MAML3: variants seen among roughly 807,000 people sequenced by gnomAD.
MAML3 encodes the protein mastermind-like protein 3.
A neutral mutation model predicts 101.9 loss-of-function variants in MAML3; 27 were observed. The ratio of observed to expected loss-of-function variants is 0.27; its 90% CI spans 0.20 to 0.37. MAML3 has a LOEUF of 0.37. Among genes scored for constraint, MAML3 ranks in the 10% least tolerant of loss-of-function variants. The pLI, the probability that MAML3 is intolerant of heterozygous loss-of-function variation, is 1.00. For missense variants in MAML3, 1,316 were observed against 1,444.9 expected, an observed-to-expected ratio of 0.91 and a Z score of 1.45; for synonymous variants, 501 against 555.9, an observed-to-expected ratio of 0.90 and a Z score of 1.39.
At chr4:139,848,436 G>C (rs1042239032) in intron 2 of MAML3, among the ~76,000 whole-genome samples, 1 of 152,200 alleles carries the variant, frequency 6.6e-6, no homozygotes, top group African/African-American at 2.4e-5. Flanking sequence ...ATGTTGAAAT[G>C]AGCAGAGTCC....
chr4:139,805,472 A>G (rs1364810017), intron 2 of MAML3, among the ~76,000 whole-genome samples: 1 of 152,200 alleles, frequency 6.6e-6, no homozygotes, highest in Non-Finnish European at 1.5e-5. Context: ...CCCTCTTTTT[A>G]AAAATGCCAC....
In MAML3 at chr4:140,134,389, C is replaced by T. The variant is rs73857943; in HGVS notation, c.468+18471G>A. 1,064 of 456,686 alleles carry T rather than the reference C, an allele frequency of 2.3e-3. 8 individuals are homozygous for T. The highest frequency in any genetic ancestry group is 0.015 in the African/African-American group (763 of 50,190). The allele number at this position is 456,686 out of a possible 1,614,324, so 28.3% of individuals were successfully genotyped here. ...TCATTTCTCCAGATGCTCTGAATCACCTCCAGGGCACAGGCATAGATGTTC... is the reference window on the plus strand; with the variant it reads ...TCATTTCTCCAGATGCTCTGAATCATCTCCAGGGCACAGGCATAGATGTTC... On this transcript the variant is annotated intron_variant, in intron 1 of 4. Transcript: ENST00000509479.
At position 139,890,272 on chromosome 4, in the gene MAML3, G is replaced by A. The variant is rs1297108897; in HGVS notation, c.1164C>T (p.Val388=). 1.9e-6 allele frequency: 3 copies of A among 1,613,954 alleles called. No homozygotes were observed. The highest frequency in any genetic ancestry group is 2.5e-6 in the Non-Finnish European group (3 of 1,179,896). ...CAGAAGGTAAACTAGTGGCCGTGGA[G>A]ACAGTAGAAAAGGGAGGACCAGAAG... ...PSSSGPPFST[V]STATSLPSVA... is the part of the protein sequence containing the mutation. The change falls in exon 2 of 5, where the codon GTC becomes GTT. Residue 388 remains valine, a synonymous_variant. Coordinates refer to ENST00000509479, the MANE Select transcript of MAML3 (RefSeq NM_018717.5). This position sits in a 1 kb window ranked among gnomAD's most constrained non-coding sequence, Gnocchi z 4.1.
At chr4:140,112,718 G>C (rs978739752) in intron 1 of MAML3, among the ~76,000 whole-genome samples, 1 of 152,244 alleles carries the variant, frequency 6.6e-6, no homozygotes, top group Non-Finnish European at 1.5e-5. Context: ...AACCAGTAGA[G>C]CTTGCCCAGG....
intron 1 of MAML3, among the ~76,000 whole-genome samples, chr4:140,029,900 T>C (rs905907854): frequency 6.6e-6 from 1 of 152,216 alleles, no homozygotes; most frequent in Non-Finnish European, 1.5e-5. Context: ...AGGATTCTGC[T>C]TGGTCTGACA....
intron 2 of MAML3, among the ~76,000 whole-genome samples, chr4:139,780,559 A>T (rs1041185326): frequency 6.6e-6 from 1 of 152,002 alleles, no homozygotes; most frequent in African/African-American, 2.4e-5. Context: ...GTAATCCTTG[A>T]AAAAACTGCT....
At chr4:140,025,650 A>T (rs149261119) in intron 1 of MAML3, among the ~76,000 whole-genome samples, 92 of 152,328 alleles carry the variant, frequency 6.0e-4, no homozygotes, top group East Asian at 3.5e-3. Flanking sequence ...AGAGACAGAC[A>T]GGAAGACAAG....
chr4:139,923,211 C>A (rs962430700), intron 1 of MAML3, among the ~76,000 whole-genome samples: 1 of 152,164 alleles, frequency 6.6e-6, no homozygotes, highest in Non-Finnish European at 1.5e-5. Context: ...CAGCTCCCCA[C>A]ACCCCGGGAT....
intron 1 of MAML3, among the ~76,000 whole-genome samples, chr4:140,151,965 G>T (rs1729179369): frequency 6.6e-6 from 1 of 152,226 alleles, no homozygotes; most frequent in Admixed American, 6.5e-5. Flanking sequence ...CAGCGGGGCA[G>T]GGGGCGCCAA....
Position 139,890,362 on chromosome 4 carries a change from C to T in MAML3, c.1074G>A (p.Lys358=), listed in dbSNP as rs763825331. 1 of 1,603,032 alleles carries T rather than the reference C, an allele frequency of 6.2e-7. No homozygotes were observed. The highest frequency in any genetic ancestry group is 2.2e-5 in the East Asian group (1 of 44,722). Residue 358 remains lysine, a synonymous_variant, in exon 2 of 5, where the codon AAG becomes AAA. Coordinates refer to ENST00000509479, the MANE Select transcript of MAML3 (RefSeq NM_018717.5). The surrounding 1 kb of genome is among the most constrained non-coding windows in gnomAD (Gnocchi z 4.1). Reference sequence around the variant, plus strand: ...CGAAGGGAGAGTGAGAGGGGTCGCTCTTCACGCTCGCACTCTCCTGGGAGA... The same window carrying T: ...CGAAGGGAGAGTGAGAGGGGTCGCTTTTCACGCTCGCACTCTCCTGGGAGA... The part of the protein sequence containing the change: ...TPLSQESASV[K]SDPSHSPFAH...
intron 4 of MAML3, among the ~76,000 whole-genome samples, chr4:139,723,903 G>T (rs1361547750): frequency 1.3e-5 from 2 of 152,156 alleles, no homozygotes; most frequent in Non-Finnish European, 2.9e-5. Context: ...CAGATTTACT[G>T]AATCAGAAAC....
intron 2 of MAML3, among the ~76,000 whole-genome samples, chr4:139,817,049 C>T (rs568385816): frequency 7.2e-5 from 11 of 152,162 alleles, no homozygotes; most frequent in African/African-American, 2.7e-4. Flanking sequence ...GCTAGGCGAC[C>T]CTTCTGAAAC....
chr4:140,082,242 G>C (rs896866074), intron 1 of MAML3, among the ~76,000 whole-genome samples: 1 of 152,214 alleles, frequency 6.6e-6, no homozygotes, highest in Non-Finnish European at 1.5e-5. Context: ...TTCACCACTA[G>C]CAGTGCAAGT....
chr4:139,911,701 A>T (rs1489409099), intron 1 of MAML3, among the ~76,000 whole-genome samples: 1 of 152,148 alleles, frequency 6.6e-6, no homozygotes, highest in Non-Finnish European at 1.5e-5. Flanking sequence ...CATGAAAGGT[A>T]GTGCCCTTAT....
intron 2 of MAML3, among the ~76,000 whole-genome samples, chr4:139,762,680 T>A (rs1333661027): frequency 6.6e-6 from 1 of 152,192 alleles, no homozygotes; most frequent in Non-Finnish European, 1.5e-5. Flanking sequence ...CGAGAAAGTA[T>A]GCAAGTGTCA....
At chr4:139,750,384 C>T (rs1306557682) in intron 2 of MAML3, among the ~76,000 whole-genome samples, 1 of 152,188 alleles carries the variant, frequency 6.6e-6, no homozygotes, top group South Asian at 2.1e-4. Flanking sequence ...GGTCGTGAGT[C>T]CTCCTTCTGA....
At chr4:139,792,802 T>G (rs1331590667) in intron 2 of MAML3, among the ~76,000 whole-genome samples, 1 of 151,420 alleles carries the variant, frequency 6.6e-6, no homozygotes, top group Non-Finnish European at 1.5e-5. Flanking sequence ...TGGAGTGCAG[T>G]GGTGCAATCT....
chr4:140,055,810 T>C (rs1727340168), intron 1 of MAML3, among the ~76,000 whole-genome samples: 1 of 151,574 alleles, frequency 6.6e-6, no homozygotes, highest in African/African-American at 2.4e-5. Context: ...ACCCAGATCC[T>C]AACTGAAGGA....
intron 1 of MAML3, among the ~76,000 whole-genome samples, chr4:140,022,286 G>GT (rs1726745180): frequency 2.6e-5 from 4 of 152,118 alleles, no homozygotes; most frequent in Admixed American, 2.6e-4. Context: ...TAGGAACACT[G>GT]TTTTTATGGG....
Sources: allele counts gnomAD v4.1 joint callset (sites outside exome capture counted in the v4.1 genomes callset), GRCh38; gene constraint gnomAD v4.1.1; non-coding constraint Gnocchi (gnomAD v3.1); transcripts MANE v1.5; gene names NCBI Gene and HGNC (gene_info 2026-07-23, HGNC 2026-07-21).